The following HDAC8 variants were observed in gnomAD, a reference collection of about 807,000 sequenced individuals.
HDAC8 encodes histone deacetylase-like 1.
A neutral mutation model predicts 32.2 loss-of-function variants in HDAC8; 1 was observed. That is an observed-to-expected ratio of 0.03 (90% CI 0.01 to 0.15). HDAC8 has a LOEUF of 0.15. HDAC8 is among the 10% of genes least tolerant of loss of function. The pLI is 1.00. For missense variants in HDAC8, 117 were observed against 300.0 expected, an observed-to-expected ratio of 0.39 and a Z score of 4.51; for synonymous variants, 108 against 113.9, an observed-to-expected ratio of 0.95 and a Z score of 0.33.
At chrX:72,517,226 T>C (rs1331264440) in intron 4 of HDAC8, among the ~76,000 whole-genome samples, 1 of 112,322 alleles carries the variant, frequency 8.9e-6, no homozygotes, top group African/African-American at 3.2e-5. Flanking sequence ...TATATTTTTT[T>C]TTGGATAAAC....
intron 9 of HDAC8, among the ~76,000 whole-genome samples, chrX:72,358,539 G>A (rs782197986): frequency 8.9e-6 from 1 of 112,010 alleles, no homozygotes; most frequent in Admixed American, 9.4e-5. Context: ...CATCCTGGGT[G>A]GGAGGGAGCA....
At chrX:72,503,663 C>G (rs2049297196) in intron 4 of HDAC8, among the ~76,000 whole-genome samples, 1 of 111,812 alleles carries the variant, frequency 8.9e-6, no homozygotes, top group South Asian at 3.7e-4. Context: ...ATATAAATAT[C>G]TGCATTGGTT....
chrX:72,482,914 C>T (rs1453430364), intron 7 of HDAC8, among the ~76,000 whole-genome samples: 3 of 111,269 alleles, frequency 2.7e-5, no homozygotes, highest in Non-Finnish European at 3.8e-5. Context: ...TTATAGATTG[C>T]GGCAGGGATC....
At chrX:72,363,618 C>G (rs952800907) in intron 9 of HDAC8, among the ~76,000 whole-genome samples, 4 of 110,823 alleles carry the variant, frequency 3.6e-5, no homozygotes, top group African/African-American at 1.3e-4. Context: ...GTCACCCATG[C>G]TGGAGTGCAA....
Position 72,383,637 on chromosome X carries a change from G to A in HDAC8, c.1006-31799C>T, listed in dbSNP as rs372517965. On this transcript the variant is annotated intron_variant, in intron 9 of 10. Coordinates refer to ENST00000373573, the MANE Select transcript of HDAC8 (RefSeq NM_018486.3). ...TGTGATCTCAGCACTTTGGGAGGCCGAGGCGGGCGGATCACGAGGTCAGGA... is the reference window on the plus strand; with the variant it reads ...TGTGATCTCAGCACTTTGGGAGGCCAAGGCGGGCGGATCACGAGGTCAGGA... Among the ~76,000 whole-genome samples the A allele has an allele frequency of 1.6e-4, 18 of 110,986 alleles. No homozygotes were observed. In the East Asian group the frequency reaches 2.8e-3, roughly 17 times the overall value.
At chrX:72,448,172 T>G (rs1407024736) in intron 9 of HDAC8, among the ~76,000 whole-genome samples, 1 of 111,864 alleles carries the variant, frequency 8.9e-6, no homozygotes, top group Non-Finnish European at 1.9e-5. Context: ...TTACACTACC[T>G]GACTTCAAAC....
intron 9 of HDAC8, among the ~76,000 whole-genome samples, chrX:72,356,631 G>A (rs1288105123): frequency 9.1e-6 from 1 of 110,019 alleles, no homozygotes; most frequent in Non-Finnish European, 1.9e-5. Flanking sequence ...CTGGAGTTCA[G>A]TGTCGTGATC....
chrX:72,406,467 G>A (rs1302586157), intron 9 of HDAC8, among the ~76,000 whole-genome samples: 2 of 111,607 alleles, frequency 1.8e-5, no homozygotes, highest in African/African-American at 6.5e-5. Flanking sequence ...CTGACCTCAA[G>A]CGACTCTCCT....
intron 7 of HDAC8, chrX:72,474,639 A>T (rs1176607254): frequency 8.3e-7 from 1 of 1,199,325 alleles, no homozygotes; most frequent in Non-Finnish European, 1.1e-6. Context: ...AGTATTCAGC[A>T]GTCTAGTTTT....
chrX:72,372,322 T>G (rs2044902333), intron 9 of HDAC8, among the ~76,000 whole-genome samples: 1 of 110,932 alleles, frequency 9.0e-6, no homozygotes, highest in Admixed American at 9.7e-5. Context: ...TTGCATAATC[T>G]CTACTACAGC....
At chrX:72,565,586 A>G (rs1461218889) in intron 4 of HDAC8, among the ~76,000 whole-genome samples, 1 of 112,207 alleles carries the variant, frequency 8.9e-6, no homozygotes, top group East Asian at 2.8e-4. Context: ...GCAAAACAGT[A>G]ATAAGAAGCA....
In HDAC8 at chrX:72,407,207, A is replaced by G. The variant is rs145413398; in HGVS notation, c.1005+54797T>C. ...CTTGGGCGAGCTCAATGTAATCACA[A>G]GCGTTCTCATAATGAGACAGCCAGG... On this transcript the variant is annotated intron_variant, in intron 9 of 10. Transcript: ENST00000373573. Among the ~76,000 whole-genome samples the G allele has an allele frequency of 1.5e-4, 17 of 112,737 alleles. No individual in the cohort carries two copies. The East Asian group carries it at 4.5e-3, about 30-fold the overall frequency.
chrX:72,442,611 G>C (rs1317719706), intron 9 of HDAC8, among the ~76,000 whole-genome samples: 3 of 111,817 alleles, frequency 2.7e-5, no homozygotes, highest in African/African-American at 9.8e-5. Flanking sequence ...TCAAGGCTAG[G>C]AAGAAACTGC....
intron 4 of HDAC8, among the ~76,000 whole-genome samples, chrX:72,497,935 A>T (rs1274330468): frequency 2.7e-5 from 3 of 111,211 alleles, no homozygotes; most frequent in Non-Finnish European, 3.8e-5. Context: ...CAGAAAAGTT[A>T]TGTATACTTG....
At chrX:72,522,611 C>T (rs782219328) in intron 4 of HDAC8, among the ~76,000 whole-genome samples, 6 of 112,023 alleles carry the variant, frequency 5.4e-5, no homozygotes, top group East Asian at 2.8e-4. Context: ...TGGTAAGAGC[C>T]GATTGCTGCA....
chrX:72,422,267 C>G (rs1383948921), intron 9 of HDAC8, among the ~76,000 whole-genome samples: 2 of 111,207 alleles, frequency 1.8e-5, no homozygotes, highest in Non-Finnish European at 3.8e-5. Context: ...CCTTTCATAA[C>G]CTCTTCTCTT....
intron 9 of HDAC8, among the ~76,000 whole-genome samples, chrX:72,396,853 AAAC>A (rs1569267577): frequency 9.0e-6 from 1 of 111,258 alleles, no homozygotes; most frequent in Non-Finnish European, 1.9e-5. Flanking sequence ...ACAACAACAA[AAAC>A]AACAACAACA....
At chrX:72,537,470 T>G (rs782402959) in intron 4 of HDAC8, among the ~76,000 whole-genome samples, 5 of 112,449 alleles carry the variant, frequency 4.4e-5, no homozygotes, top group Non-Finnish European at 9.4e-5. Flanking sequence ...TTTTAGTAAA[T>G]ACTGCTATTA....
intron 9 of HDAC8, among the ~76,000 whole-genome samples, chrX:72,396,655 T>C (rs1360450439): frequency 2.7e-5 from 3 of 110,238 alleles, no homozygotes; most frequent in Non-Finnish European, 5.7e-5. Flanking sequence ...TTCAGTTAGA[T>C]GAGAGGAGTA....
Sources: allele counts gnomAD v4.1 joint callset (sites outside exome capture counted in the v4.1 genomes callset), GRCh38; gene constraint gnomAD v4.1.1; transcripts MANE v1.5; gene names NCBI Gene and HGNC (gene_info 2026-07-23, HGNC 2026-07-21).